Variants in RYR2 observed in about 807,000 individuals in gnomAD.
The protein encoded by RYR2 is cardiac muscle ryanodine receptor-calcium release channel.
In RYR2, 227 loss-of-function variants were observed where a neutral mutation model predicts 601.1. The ratio of observed to expected loss-of-function variants is 0.38; its 90% CI spans 0.34 to 0.42. The LOEUF is 0.42. Among genes scored for constraint, RYR2 ranks in the 10% least tolerant of loss-of-function variants. The pLI is 1.00. For synonymous variants in RYR2, 2,223 were observed against 2,175.1 expected, an observed-to-expected ratio of 1.02 and a Z score of -0.61; for missense variants, 4,646 against 6,156.5, an observed-to-expected ratio of 0.75 and a Z score of 8.21.
intron 5 of RYR2, among the ~76,000 whole-genome samples, chr1:237,367,362 G>A (rs565759908): frequency 6.6e-6 from 1 of 152,104 alleles, no homozygotes; most frequent in South Asian, 2.1e-4. Flanking sequence ...AAAGTTCTGG[G>A]ATTACAAGCG....
intron 2 of RYR2, among the ~76,000 whole-genome samples, chr1:237,308,458 A>G (rs1054623175): frequency 2.6e-5 from 4 of 152,188 alleles, no homozygotes; most frequent in South Asian, 4.1e-4. Flanking sequence ...CATGAAATCT[A>G]AGAATCCTCC....
intron 47 of RYR2, among the ~76,000 whole-genome samples, chr1:237,641,207 A>G (rs1209342622): frequency 6.6e-6 from 1 of 152,210 alleles, no homozygotes; most frequent in African/African-American, 2.4e-5. Flanking sequence ...TTTCAGTGCA[A>G]GTCATTAATA....
At chr1:237,594,905 T>TTTTTTTTTTTTG (rs1675687519) in intron 33 of RYR2, among the ~76,000 whole-genome samples, 2 of 50,070 alleles carry the variant, frequency 4.0e-5, no homozygotes, top group Non-Finnish European at 1.1e-4. Context: ...TTTTTTTTTT[T>TTTTTTTTTTTTG]TTTTTTTTTT....
chr1:237,644,235 G>GT (rs1681885924), intron 48 of RYR2, among the ~76,000 whole-genome samples: 1 of 151,562 alleles, frequency 6.6e-6, no homozygotes, highest in South Asian at 2.1e-4. Context: ...TGTTTTTTTG[G>GT]TTTTTTGTTT....
chr1:237,303,427 GT>G (rs1360119765), intron 2 of RYR2, among the ~76,000 whole-genome samples: 1 of 148,698 alleles, frequency 6.7e-6, no homozygotes, highest in Non-Finnish European at 1.5e-5. Context: ...AGCCTCCCAA[GT>G]AGCTGGGATT....
chr1:237,199,260 C>A (rs551899183), intron 1 of RYR2, among the ~76,000 whole-genome samples: 1 of 152,272 alleles, frequency 6.6e-6, no homozygotes, highest in African/African-American at 2.4e-5. Context: ...AAGGTGAGGT[C>A]CCACAATAGG....
intron 25 of RYR2, among the ~76,000 whole-genome samples, chr1:237,538,394 C>CAAAAAAAAAAAAAAAAAAAA (rs10551995): frequency 6.1e-5 from 2 of 32,900 alleles, no homozygotes; most frequent in African/African-American, 2.7e-4. Context: ...GACTCTGTCT[C>CAAAAAAAAAAAAAAAAAAAA]AAAAAAAAAA....
chr1:237,168,209 A>G (rs1175949014), intron 1 of RYR2, among the ~76,000 whole-genome samples: 1 of 152,090 alleles, frequency 6.6e-6, no homozygotes, highest in East Asian at 1.9e-4. Flanking sequence ...TGTTGGCTTC[A>G]TTCCATGTCA....
chr1:237,696,320 C>A (rs1687429340), intron 63 of RYR2, among the ~76,000 whole-genome samples: 1 of 152,158 alleles, frequency 6.6e-6, no homozygotes, highest in African/African-American at 2.4e-5. Flanking sequence ...ATACGTTGCA[C>A]TGGATCTCTT....
At chr1:237,577,084 A>T (rs1418256990) in intron 29 of RYR2, among the ~76,000 whole-genome samples, 1 of 152,162 alleles carries the variant, frequency 6.6e-6, no homozygotes, top group Non-Finnish European at 1.5e-5. Context: ...TCACATACCC[A>T]TGACCCAGAA....
intron 1 of RYR2, among the ~76,000 whole-genome samples, chr1:237,133,382 A>G (rs902768943): frequency 6.6e-6 from 1 of 152,156 alleles, no homozygotes; most frequent in South Asian, 2.1e-4. Flanking sequence ...CCCCTTTCTT[A>G]CTTGATATGA....
chr1:237,602,131 G>A lies in RYR2; in HGVS notation c.4683+20G>A. The stretch of plus-strand genomic sequence containing the variant: ...ATAAAGGTAATAAAACTTATTCCTG[G>A]TATTGTATTTGTATTTTTTCTATTA... On this transcript the variant is annotated intron_variant, in intron 35 of 104. Coordinates refer to ENST00000366574, the MANE Select transcript of RYR2 (RefSeq NM_001035.3). 1 of 1,577,320 alleles carries A rather than the reference G, an allele frequency of 6.3e-7. No homozygotes were observed. Among genetic ancestry groups the A allele is most frequent in the Non-Finnish European group, 8.7e-7 (1 of 1,150,452 alleles).
intron 1 of RYR2, among the ~76,000 whole-genome samples, chr1:237,101,613 TAAG>T (rs978926026): frequency 3.9e-5 from 6 of 152,300 alleles, no homozygotes; most frequent in Admixed American, 1.3e-4. Flanking sequence ...CACACGCACA[TAAG>T]AAGCTAATTA....
At chr1:237,199,569 T>C (rs1203145563) in intron 1 of RYR2, among the ~76,000 whole-genome samples, 4 of 152,196 alleles carry the variant, frequency 2.6e-5, no homozygotes, top group Admixed American at 1.3e-4. Context: ...CCCACCCGGA[T>C]TGAGGATGGG....
At chr1:237,710,759 GA>G (rs1339192390) in intron 70 of RYR2, among the ~76,000 whole-genome samples, 1 of 147,286 alleles carries the variant, frequency 6.8e-6, no homozygotes, top group Non-Finnish European at 1.5e-5. Context: ...TTGAGCTCAG[GA>G]GTTAGAGGCT....
In RYR2 at chr1:237,473,427, C is replaced by CTT. The variant is rs1553464621; in HGVS notation, c.1708+4241_1708+4242insTT. Among the ~76,000 whole-genome samples the CTT allele has an allele frequency of 1.5e-3, 158 of 102,382 alleles. 17 individuals are homozygous for CTT. The highest frequency in any genetic ancestry group is 4.2e-3 in the Middle Eastern group (1 of 238). The allele number at this position is 102,382 out of a possible 152,430, so 67.2% of individuals were successfully genotyped here. On this transcript the variant is annotated intron_variant, in intron 17 of 104. Coordinates refer to ENST00000366574, the MANE Select transcript of RYR2 (RefSeq NM_001035.3). The stretch of plus-strand genomic sequence containing the variant: ...CGACAGAACGAGACTCCATCTCTCT[C>CTT]TCTCTCTTTCTTTCTTTCTTTCTTT...
At chr1:237,688,296 A>G (rs1308433928) in intron 63 of RYR2, among the ~76,000 whole-genome samples, 2 of 152,170 alleles carry the variant, frequency 1.3e-5, no homozygotes, top group African/African-American at 2.4e-5. Context: ...AAAACATTGA[A>G]TGTATTGCTA....
intron 77 of RYR2, 128 bp from the exon 78 acceptor site, chr1:237,731,918 A>ACACACACCCC (rs753519564): frequency 1.6e-6 from 1 of 607,276 alleles, no homozygotes; most frequent in Non-Finnish European, 3.0e-6. Context: ...ACACACACAC[A>ACACACACCCC]CCCCACAACA....
At position 237,585,952 on chromosome 1, in the gene RYR2, A is replaced by G. The variant is rs534772956; in HGVS notation, c.3599-3841A>G. ...TAATGAAAGTGATTAAAAATTACAA[A>G]CATTCCCACTACACAGAGAAAAAAT... On this transcript the variant is annotated intron_variant, in intron 29 of 104. Coordinates refer to ENST00000366574, the MANE Select transcript of RYR2 (RefSeq NM_001035.3). Among the ~76,000 whole-genome samples the G allele has an allele frequency of 1.4e-4, 21 of 152,332 alleles. No homozygotes were observed. The South Asian group carries it at 4.4e-3, about 32-fold the overall frequency.
Sources: gnomAD v4.1 joint callset for allele counts (sites outside exome capture counted in the v4.1 genomes callset) on GRCh38, gnomAD v4.1.1 for gene constraint, MANE v1.5 for transcripts, NCBI Gene and HGNC (gene_info 2026-07-23, HGNC 2026-07-21) for gene names.